ARHGAP32: variants seen among roughly 807,000 people sequenced by gnomAD.
ARHGAP32 encodes the protein Rho GTPase activating protein 32.
Under a neutral mutation model 186.5 loss-of-function variants are expected in ARHGAP32, and 51 were observed. The ratio of observed to expected loss-of-function variants is 0.27; its 90% confidence interval spans 0.22 to 0.35. The LOEUF (loss-of-function observed/expected upper bound fraction) is 0.35. Among genes scored for constraint, ARHGAP32 ranks in the 10% least tolerant of loss-of-function variants. The pLI is 1.00. For synonymous variants in ARHGAP32, 950 were observed against 964.3 expected, an observed-to-expected ratio of 0.99 and a Z score of 0.27; for missense variants, 2,186 against 2,623.5, an observed-to-expected ratio of 0.83 and a Z score of 3.64.
At chr11:129,111,524 CCTGAGATT>C (rs1309274520) in intron 5 of ARHGAP32, among the ~76,000 whole-genome samples, 1 of 152,126 alleles carries the variant, frequency 6.6e-6, no homozygotes, top group Non-Finnish European at 1.5e-5. Context: ...GCCATCCATT[CCTGAGATT>C]TTCATTGTTA....
intron 10 of ARHGAP32, among the ~76,000 whole-genome samples, chr11:129,046,382 A>G (rs1404510882): frequency 6.9e-6 from 1 of 145,738 alleles, no homozygotes; most frequent in East Asian, 1.9e-4. Context: ...CAACTGTCCT[A>G]CAAAATTTCA....
rs1466199709 is a variant in ARHGAP32, at chr11:129,208,383, C to T, written c.-4-43956G>A. On this transcript the variant is annotated intron_variant, in intron 1 of 6. Coordinates refer to the ARHGAP32 transcript ENST00000525234. ...ATTAATAAACCTTGCTGAGCCTGGGCGTCCAGCATGTTAGTTCCAAGTAAT... is the reference window on the plus strand; with the variant it reads ...ATTAATAAACCTTGCTGAGCCTGGGTGTCCAGCATGTTAGTTCCAAGTAAT... 3.3e-5 allele frequency among the ~76,000 whole-genome samples: 5 copies of T among 152,094 alleles called. No homozygotes were observed. The East Asian group carries it at 5.8e-4, about 18-fold the overall frequency.
At chr11:129,062,009 C>T (rs940518353) in intron 10 of ARHGAP32, among the ~76,000 whole-genome samples, 2 of 152,136 alleles carry the variant, frequency 1.3e-5, no homozygotes, top group African/African-American at 4.8e-5. Flanking sequence ...CTCCACAGGC[C>T]TTGTAACCTA....
At chr11:129,236,960 G>C (rs1031996472) in intron 1 of ARHGAP32, among the ~76,000 whole-genome samples, 1 of 152,090 alleles carries the variant, frequency 6.6e-6, no homozygotes, top group African/African-American at 2.4e-5. Flanking sequence ...CATCATAAAG[G>C]GATGCTGGAT....
chr11:129,235,985 G>A (rs1303129137), intron 1 of ARHGAP32, among the ~76,000 whole-genome samples: 1 of 151,126 alleles, frequency 6.6e-6, no homozygotes, highest in Non-Finnish European at 1.5e-5. Context: ...TGGGCATTTG[G>A]GCCAGTTCCA....
At chr11:129,174,668 C>T (rs1177795844) in intron 1 of ARHGAP32, among the ~76,000 whole-genome samples, 1 of 152,174 alleles carries the variant, frequency 6.6e-6, no homozygotes, top group Non-Finnish European at 1.5e-5. Flanking sequence ...GGAGGCACCC[C>T]CAAGCAGGGG....
chr11:128,974,350 T>A lies in ARHGAP32; in HGVS notation c.2847A>T (p.Ser949=), dbSNP rs1305579280. 6 of 1,614,142 alleles carry A rather than the reference T, an allele frequency of 3.7e-6. No individual in the cohort carries two copies. The highest frequency in any genetic ancestry group is 5.1e-6 in the Non-Finnish European group (6 of 1,180,056). The change falls in exon 21 of 23, where the codon TCA becomes TCT. Residue 949 remains serine (S), a synonymous_variant. Coordinates refer to ENST00000682385, the MANE Select transcript of ARHGAP32 (RefSeq NM_001378024.1). ...TVSNTTAQNA[S]SSTWDKCVEE... ...CAACGCATTTGTCCCAGGTTGAAGA[T>A]GATGCATTCTGAGCTGTGGTATTTG...
chr11:129,139,632 A>C (rs1943007996), intron 2 of ARHGAP32, among the ~76,000 whole-genome samples: 1 of 152,054 alleles, frequency 6.6e-6, no homozygotes, highest in African/African-American at 2.4e-5. Context: ...GAGATCTGAC[A>C]GTTTTATAAA....
chr11:129,256,826 A>T (rs976965310), intron 1 of ARHGAP32, among the ~76,000 whole-genome samples: 1 of 152,202 alleles, frequency 6.6e-6, no homozygotes, highest in African/African-American at 2.4e-5. Flanking sequence ...CACGAAATGT[A>T]AGTTCAGAGA....
intron 5 of ARHGAP32, among the ~76,000 whole-genome samples, chr11:129,101,414 C>A (rs527761165): frequency 1.3e-5 from 2 of 152,100 alleles, no homozygotes. Context: ...CACTGGGCTA[C>A]AGGAGTACAC....
intron 5 of ARHGAP32, among the ~76,000 whole-genome samples, chr11:129,115,365 C>T (rs906407019): frequency 7.2e-5 from 11 of 151,972 alleles, no homozygotes; most frequent in African/African-American, 2.7e-4. Context: ...GCAAAATTAC[C>T]CTTCAGATTT....
intron 10 of ARHGAP32, among the ~76,000 whole-genome samples, chr11:129,053,088 A>G (rs2135092006): frequency 6.6e-6 from 1 of 152,228 alleles, no homozygotes; most frequent in East Asian, 1.9e-4. Flanking sequence ...AAAAAAAAGA[A>G]AAAAACTAAA....
intron 5 of ARHGAP32, among the ~76,000 whole-genome samples, chr11:129,120,257 T>C (rs1426294857): frequency 6.6e-6 from 1 of 152,056 alleles, no homozygotes; most frequent in Non-Finnish European, 1.5e-5. Context: ...CCACGGTTCT[T>C]GGCTGGCCTC....
intron 2 of ARHGAP32, among the ~76,000 whole-genome samples, chr11:129,161,095 T>C (rs180674022): frequency 9.1e-4 from 138 of 152,276 alleles, no homozygotes; most frequent in African/African-American, 3.3e-3. Context: ...GAAAACTGGA[T>C]ACCCATATGC....
intron 2 of ARHGAP32, among the ~76,000 whole-genome samples, chr11:129,138,597 T>G (rs1360331481): frequency 6.6e-6 from 1 of 152,160 alleles, no homozygotes; most frequent in South Asian, 2.1e-4. Flanking sequence ...GTGCTAATAT[T>G]GACTGGGTAA....
intron 2 of ARHGAP32, among the ~76,000 whole-genome samples, chr11:129,139,051 CTT>C (rs1454177888): frequency 6.6e-6 from 1 of 152,066 alleles, no homozygotes; most frequent in Non-Finnish European, 1.5e-5. Context: ...TAGCTTTCCT[CTT>C]ATCAAAATTT....
intron 1 of ARHGAP32, among the ~76,000 whole-genome samples, chr11:129,182,957 T>A (rs1357874511): frequency 1.3e-5 from 2 of 152,058 alleles, no homozygotes; most frequent in Non-Finnish European, 2.9e-5. Context: ...CTTAAAAAAT[T>A]TTTTATGTTT....
At chr11:129,198,358 C>G (rs1468157470) in intron 1 of ARHGAP32, among the ~76,000 whole-genome samples, 2 of 152,162 alleles carry the variant, frequency 1.3e-5, no homozygotes, top group African/African-American at 2.4e-5. Context: ...TGGTCTTAGA[C>G]AAGTGATAAG....
At chr11:129,187,972 T>C (rs576381598) in intron 1 of ARHGAP32, among the ~76,000 whole-genome samples, 1 of 152,226 alleles carries the variant, frequency 6.6e-6, no homozygotes, top group Admixed American at 6.5e-5. Context: ...TTGTTTGTTT[T>C]TGAGATGGAG....
Sources: allele counts gnomAD v4.1 joint callset (sites outside exome capture counted in the v4.1 genomes callset), GRCh38; gene constraint gnomAD v4.1.1; transcripts MANE v1.5; gene names NCBI Gene and HGNC (gene_info 2026-07-23, HGNC 2026-07-21).